PATJ: variants seen among roughly 807,000 people sequenced by gnomAD.
PATJ encodes the protein inaD-like protein.
A neutral mutation model predicts 224.9 loss-of-function variants in PATJ; 190 were observed. The observed-to-expected ratio is 0.84, with a 90% confidence interval of 0.75 to 0.95. PATJ has a LOEUF of 0.95. Ranked by LOEUF, PATJ falls within the 40% of genes least tolerant of loss-of-function variation. The pLI is 0.00. For missense variants in PATJ, 2,121 were observed against 2,270.3 expected, an observed-to-expected ratio of 0.93 and a Z score of 1.34; for synonymous variants, 769 against 820.3, an observed-to-expected ratio of 0.94 and a Z score of 1.07.
At chr1:62,155,481 A>G (rs1669089535) in intron 43 of PATJ, among the ~76,000 whole-genome samples, 1 of 151,910 alleles carries the variant, frequency 6.6e-6, no homozygotes, top group Non-Finnish European at 1.5e-5. Flanking sequence ...TTTTAAAAGA[A>G]CCCACCAGCA....
chr1:62,077,692 A>G (rs7550604), intron 31 of PATJ, among the ~76,000 whole-genome samples: 20 of 128,358 alleles, frequency 1.6e-4, no homozygotes, highest in Non-Finnish European at 2.1e-4. Flanking sequence ...TGTCCAAAAA[A>G]AAAAAAAAAA....
Position 62,017,638 on chromosome 1 carries a change from A to G in PATJ, c.3868-218A>G, listed in dbSNP as rs528946490. On this transcript the variant is annotated intron_variant, in intron 28 of 43. Coordinates refer to ENST00000642238, the MANE Select transcript of PATJ (RefSeq NM_001350145.3). ...TTCCAGCTACTCAGGAGGCTCAGGC[A>G]TGAGAATCACTTGAACCGAGAAGGC... Among the ~76,000 whole-genome samples, 49 of 151,524 alleles carry G rather than the reference A, an allele frequency of 3.2e-4. 1 individual carries two copies. The highest frequency in any genetic ancestry group is 5.4e-4 in the Non-Finnish European group (37 of 67,904).
chr1:61,793,331 G>A (rs147319979), intron 9 of PATJ, among the ~76,000 whole-genome samples: 227 of 152,270 alleles, frequency 1.5e-3, no homozygotes, highest in African/African-American at 5.2e-3. Context: ...CAAAGAAGGC[G>A]GCATTTGAGC....
intron 34 of PATJ, among the ~76,000 whole-genome samples, chr1:62,111,951 C>A (rs111916043): frequency 0.017 from 2,635 of 151,338 alleles, 60 homozygotes; most frequent in South Asian, 0.083. Context: ...TGAGCCACCG[C>A]GCCCAGCCCA....
Position 61,889,476 on chromosome 1 carries a change from G to A in PATJ, c.3131+5068G>A, listed in dbSNP as rs895783573. 1.2e-4 allele frequency among the ~76,000 whole-genome samples: 18 copies of A among 152,258 alleles called. No homozygotes were observed. The East Asian group carries it at 3.5e-3, about 29-fold the overall frequency. ...ATATGTTCCAAGAACCCCACTGCGT[G>A]CCTGAAACCACAGACAGTACCAAGC... On this transcript the variant is annotated intron_variant, in intron 22 of 43. Coordinates refer to ENST00000642238, the MANE Select transcript of PATJ (RefSeq NM_001350145.3).
At chr1:61,894,443 G>C (rs892180915) in intron 22 of PATJ, among the ~76,000 whole-genome samples, 6 of 152,148 alleles carry the variant, frequency 3.9e-5, no homozygotes, top group African/African-American at 1.4e-4. Flanking sequence ...CCTCATGGGA[G>C]GTGATTGGAT....
intron 27 of PATJ, among the ~76,000 whole-genome samples, chr1:61,973,816 CA>C (rs1683295948): frequency 1.3e-5 from 2 of 152,042 alleles, no homozygotes; most frequent in South Asian, 4.1e-4. Flanking sequence ...ATGCTGTTTT[CA>C]AAATTAAAGC....
chr1:62,018,353 T>G lies in PATJ; in HGVS notation c.3959+406T>G, dbSNP rs147662941. 6.6e-6 allele frequency among the ~76,000 whole-genome samples: 1 copy of G among 152,320 alleles called. No individual in the cohort carries two copies. Among genetic ancestry groups the G allele is most frequent in the East Asian group, 1.9e-4 (1 of 5,192 alleles). On this transcript the variant is annotated intron_variant, in intron 29 of 43. Coordinates refer to ENST00000642238, the MANE Select transcript of PATJ (RefSeq NM_001350145.3). The surrounding 1 kb of genome is among the most constrained non-coding windows in gnomAD (Gnocchi z 4.2). ...CTGAGGACATTCTTAGGAGCTTCCT[T>G]TTAAGAGTGCTGGTGAGAAGCTCAG...
chr1:62,106,063 A>AAAAT (rs34767684), intron 33 of PATJ, among the ~76,000 whole-genome samples: 491 of 39,654 alleles, frequency 0.012, 60 homozygotes, highest in Non-Finnish European at 0.019. Context: ...AAAAAAAAAA[A>AAAAT]ATATATATAT....
intron 14 of PATJ, among the ~76,000 whole-genome samples, chr1:61,815,633 C>T (rs900574245): frequency 6.6e-6 from 1 of 151,970 alleles, no homozygotes; most frequent in African/African-American, 2.4e-5. Context: ...CAGAGGATCT[C>T]GAGGCCAGGA....
chr1:61,904,252 G>A (rs1465477745), intron 24 of PATJ, among the ~76,000 whole-genome samples: 2 of 151,934 alleles, frequency 1.3e-5, no homozygotes, highest in Admixed American at 6.6e-5. Context: ...ATTTTTTAAT[G>A]TTTCGTATTA....
At chr1:62,138,767 T>C (rs1233221531) in intron 41 of PATJ, among the ~76,000 whole-genome samples, 1 of 152,200 alleles carries the variant, frequency 6.6e-6, no homozygotes, top group Non-Finnish European at 1.5e-5. Context: ...AGACCACAGC[T>C]GCAGATCTTA....
chr1:61,937,572 C>T (rs994159467), intron 27 of PATJ, among the ~76,000 whole-genome samples: 5 of 151,260 alleles, frequency 3.3e-5, no homozygotes, highest in African/African-American at 9.7e-5. Context: ...AATACAAGCA[C>T]TTGATTGAAA....
rs1465854403 is a variant in PATJ, at chr1:62,086,975, G to A, written c.4377+2327G>A. Among the ~76,000 whole-genome samples, 2 of 152,126 alleles carry A rather than the reference G, an allele frequency of 1.3e-5. No individual in the cohort carries two copies. Among genetic ancestry groups the A allele is most frequent in the Non-Finnish European group, 2.9e-5 (2 of 68,016 alleles). ...CTAACCTCCGTCGTCCGTGGACAGC[G>A]GTACGTTATCAGCTCAGTGGGCCCC... On this transcript the variant is annotated intron_variant, in intron 33 of 43. Coordinates refer to ENST00000642238, the MANE Select transcript of PATJ (RefSeq NM_001350145.3). The surrounding 1 kb of genome is among the most constrained non-coding windows in gnomAD (Gnocchi z 4.0).
At chr1:62,132,021 T>C (rs1666319122) in intron 41 of PATJ, among the ~76,000 whole-genome samples, 1 of 152,074 alleles carries the variant, frequency 6.6e-6, no homozygotes, top group South Asian at 2.1e-4. Context: ...GCTAATTTTA[T>C]ATTTTCAGTA....
intron 26 of PATJ, among the ~76,000 whole-genome samples, chr1:61,921,713 G>A (rs1219356574): frequency 6.6e-6 from 1 of 151,774 alleles, no homozygotes; most frequent in Non-Finnish European, 1.5e-5. Flanking sequence ...GATTATATTT[G>A]TAAAAAAGTC....
At chr1:61,849,028 C>G (rs1009695048) in intron 17 of PATJ, among the ~76,000 whole-genome samples, 1 of 152,172 alleles carries the variant, frequency 6.6e-6, no homozygotes, top group African/African-American at 2.4e-5. Context: ...CATACTTTCT[C>G]TTACTGAAAT....
At chr1:61,780,704 C>A (rs1301878914) in intron 7 of PATJ, among the ~76,000 whole-genome samples, 1 of 151,542 alleles carries the variant, frequency 6.6e-6, no homozygotes, top group African/African-American at 2.4e-5. Context: ...TTGTGAACAA[C>A]AAAGGGTCAA....
chr1:62,136,173 C>G (rs904519849), intron 41 of PATJ, among the ~76,000 whole-genome samples: 1 of 151,806 alleles, frequency 6.6e-6, no homozygotes, highest in Non-Finnish European at 1.5e-5. Flanking sequence ...GCTGGGATTA[C>G]AGGCTCACAC....
Sources: gnomAD v4.1 joint callset for allele counts (sites outside exome capture counted in the v4.1 genomes callset) on GRCh38, gnomAD v4.1.1 for gene constraint, Gnocchi (gnomAD v3.1) non-coding constraint, MANE v1.5 for transcripts, NCBI Gene and HGNC (gene_info 2026-07-23, HGNC 2026-07-21) for gene names.